SCN1A: variants seen among roughly 807,000 people sequenced by gnomAD.
SCN1A encodes sodium voltage-gated channel alpha subunit 1.
In SCN1A, 13 loss-of-function variants were observed where a neutral mutation model predicts 193.7. That is an observed-to-expected ratio of 0.07 (90% CI 0.04 to 0.11). The LOEUF is 0.11. Ranked by LOEUF, SCN1A falls within the 10% of genes least tolerant of loss-of-function variation. The pLI is 1.00. For synonymous variants in SCN1A, 781 were observed against 843.6 expected (o/e 0.93, Z 1.29); for missense variants, 1,432 against 2,451.1 (o/e 0.58, Z 8.78).
chr2:166,000,097 A>G, intron 24 of SCN1A: 1 of 344,242 alleles, frequency 2.9e-6, no homozygotes, highest in East Asian at 6.0e-5. Flanking sequence ...AGAAAGTCTT[A>G]CAAATGCCAA....
rs79907501 is a variant in SCN1A at position 165,987,175 on chromosome 2, C to A, written c.*4070G>T. 6.6e-6 allele frequency: 1 copy of A among 151,770 alleles called. No individual in the cohort carries two copies. The highest frequency in any genetic ancestry group is 1.5e-5 in the Non-Finnish European group (1 of 67,922). The allele number at this position is 151,770 out of a possible 1,614,324, so 9.4% of individuals were successfully genotyped here. A position where few individuals can be genotyped will look rare whatever the true frequency, so the allele number is the denominator to read the frequency against. On this transcript the variant is annotated 3_prime_UTR_variant, in exon 29 of 29. Transcript: ENST00000674923. The stretch of plus-strand genomic sequence containing the variant: ...ATAGAGTGTCCTCAATTTGATTTTC[C>A]TTGTAGTTAGATTCTGGTTTTAAAA...
intron 1 of SCN1A, among the ~76,000 whole-genome samples, chr2:166,145,175 T>C (rs5027759): frequency 1.2e-4 from 15 of 129,566 alleles, no homozygotes; most frequent in South Asian, 2.5e-4. Context: ...TTTTTTTTTG[T>C]GGGGGACAGA....
chr2:166,004,879 C>T (rs964022522), intron 23 of SCN1A, among the ~76,000 whole-genome samples: 2 of 151,434 alleles, frequency 1.3e-5, no homozygotes, highest in African/African-American at 4.8e-5. Context: ...CCAGTTTAGC[C>T]TCCAAAATAA....
At chr2:166,010,095 A>G (rs1692227049) in intron 22 of SCN1A, among the ~76,000 whole-genome samples, 1 of 150,264 alleles carries the variant, frequency 6.7e-6, no homozygotes, top group Non-Finnish European at 1.5e-5. Flanking sequence ...GAATAAATAG[A>G]AAAAAAAAGC....
chr2:166,094,681 A>G (rs888703353), intron 2 of SCN1A, among the ~76,000 whole-genome samples: 3 of 152,252 alleles, frequency 2.0e-5, no homozygotes, highest in Non-Finnish European at 4.4e-5. Flanking sequence ...GTTGCTACGC[A>G]TGGAGTAGAA....
rs1232188377 is a variant in SCN1A at position 165,996,133 on chromosome 2, AT to A, written c.4477-17del. ...GACCTCCAAAGTATAGAAAAGAAAAATCAAACTGGTTAAAACTGTGTCCTTT... is the reference window on the plus strand; with the variant it reads ...GACCTCCAAAGTATAGAAAAGAAAAACAAACTGGTTAAAACTGTGTCCTTT... On this transcript the variant is annotated splice_polypyrimidine_tract_variant and intron_variant, in intron 26 of 28. Coordinates refer to ENST00000674923, the MANE Select transcript of SCN1A (RefSeq NM_001165963.4). The A allele has an allele frequency of 6.7e-7, 1 of 1,485,978 alleles. No homozygotes were observed. Among genetic ancestry groups the A allele is most frequent in the Non-Finnish European group, 9.4e-7 (1 of 1,065,994 alleles). The allele number at this position is 1,485,978 out of a possible 1,614,324, so 92.0% of individuals were successfully genotyped here. A position where few individuals can be genotyped will look rare whatever the true frequency, so the allele number is the denominator to read the frequency against.
At position 166,052,943 on chromosome 2, in the gene SCN1A, C is replaced by T; in HGVS notation, c.603G>A (p.Ala201=). ...NWLDFTVITF[A]YVTEFVDLGN... is the part of the protein sequence containing the mutation. ...CCAGGTCCACAAACTCTGTGACGTA[C>T]CTGTAATAGGGAGTTCACACACAAA... The change falls in exon 8 of 29, where the codon GCG becomes GCA. Residue 201 remains alanine (A), a splice_region_variant and synonymous_variant. Coordinates refer to ENST00000674923, the MANE Select transcript of SCN1A (RefSeq NM_001165963.4). 6.2e-7 allele frequency: 1 copy of T among 1,611,338 alleles called. No homozygotes were observed. Among genetic ancestry groups the T allele is most frequent in the Non-Finnish European group, 8.5e-7 (1 of 1,178,182 alleles).
Position 166,085,147 on chromosome 2 carries a change from T to C in SCN1A, c.-141-7346A>G, listed in dbSNP as rs537749660. ...TCTCTTGGCCATGATGCCATCCCTA[T>C]TGGACTCAATGGTGTTCCAGCACAA... On this transcript the variant is annotated intron_variant, in intron 2 of 28. Transcript: ENST00000674923. Among the ~76,000 whole-genome samples, 6 of 152,316 alleles carry C rather than the reference T, an allele frequency of 3.9e-5. 1 individual carries two copies. Among genetic ancestry groups the C allele is most frequent in the East Asian group, 3.9e-4 (2 of 5,180 alleles).
At chr2:166,051,583 G>A in intron 9 of SCN1A, 136 bp downstream of exon 9, 3 of 629,982 alleles carry the variant, frequency 4.8e-6, no homozygotes, top group South Asian at 2.2e-5. Flanking sequence ...TACATGAGAT[G>A]TTTTGATACA....
chr2:166,090,029 C>CTTTTTTTTTTT (rs545740675), intron 2 of SCN1A, among the ~76,000 whole-genome samples: 2 of 71,382 alleles, frequency 2.8e-5, no homozygotes, highest in Admixed American at 2.1e-4. Flanking sequence ...TCCTTCTTTC[C>CTTTTTTTTTTT]TTTTTTTTTT....
Position 165,998,306 on chromosome 2 carries a change from A to G in SCN1A, c.4339-131T>C, listed in dbSNP as rs1690369652. ...CAGCATTTTTTTTTTTTCTGAATCA[A>G]CTACCTCTAAAAAACATCCCTGAAA... On this transcript the variant is annotated intron_variant, in intron 25 of 28. Transcript: ENST00000674923. The G allele has an allele frequency of 4.9e-5, 34 of 688,730 alleles. 1 individual carries two copies. The South Asian group carries it at 7.3e-4, about 15-fold the overall frequency. The allele number at this position is 688,730 out of a possible 1,614,324, so 42.7% of individuals were successfully genotyped here. A position where few individuals can be genotyped will look rare whatever the true frequency, so the allele number is the denominator to read the frequency against.
intron 19 of SCN1A, among the ~76,000 whole-genome samples, chr2:166,032,483 G>A (rs1337210764): frequency 6.6e-6 from 1 of 152,064 alleles, no homozygotes. Flanking sequence ...CATAATTTAT[G>A]CCTTACTTTG....
chr2:166,012,286 T>G lies in SCN1A; in HGVS notation c.3706-4A>C, dbSNP rs755132803. 1 of 1,602,380 alleles carries G rather than the reference T, an allele frequency of 6.2e-7. No homozygotes were observed. ...CAATATATATATCTTCAAATGCCTA[T>G]AAAGAAAATGTTACACATTATTAGC... is the stretch of plus-strand genomic sequence containing the variant. On this transcript the variant is annotated splice_polypyrimidine_tract_variant and splice_region_variant and intron_variant, in intron 21 of 28. Coordinates refer to ENST00000674923, the MANE Select transcript of SCN1A (RefSeq NM_001165963.4).
intron 2 of SCN1A, among the ~76,000 whole-genome samples, chr2:166,104,650 G>C (rs1030412305): frequency 2.0e-5 from 3 of 152,260 alleles, no homozygotes; most frequent in African/African-American, 7.2e-5. Flanking sequence ...GGCTGAGGTG[G>C]GGGGATTGCT....
intron 26 of SCN1A, among the ~76,000 whole-genome samples, chr2:165,997,787 A>G (rs1253136528): frequency 6.6e-6 from 1 of 151,210 alleles, no homozygotes; most frequent in Non-Finnish European, 1.5e-5. Flanking sequence ...AAGATAGAAA[A>G]TGTTTCTTGA....
chr2:166,098,567 C>T (rs1476223470), intron 2 of SCN1A, among the ~76,000 whole-genome samples: 5 of 152,158 alleles, frequency 3.3e-5, no homozygotes. Context: ...GTCAAACTAT[C>T]TCTCTTTGAA....
intron 4 of SCN1A, among the ~76,000 whole-genome samples, chr2:166,072,322 T>G (rs1684514453): frequency 6.6e-6 from 1 of 152,204 alleles, no homozygotes; most frequent in South Asian, 2.1e-4. Context: ...AAAAATTTTA[T>G]GCTTTTTGTT....
intron 1 of SCN1A, among the ~76,000 whole-genome samples, chr2:166,147,336 A>G (rs1574658635): frequency 6.6e-6 from 1 of 152,332 alleles, no homozygotes; most frequent in South Asian, 2.1e-4. Flanking sequence ...GAGGAATACA[A>G]AGATATATAT....
intron 2 of SCN1A, among the ~76,000 whole-genome samples, chr2:166,087,686 A>G (rs1241850111): frequency 1.3e-5 from 2 of 152,124 alleles, no homozygotes; most frequent in South Asian, 2.1e-4. Flanking sequence ...CCAGCCTCAG[A>G]TATTCTTTTA....
Sources: allele counts gnomAD v4.1 joint callset (sites outside exome capture counted in the v4.1 genomes callset), GRCh38; gene constraint gnomAD v4.1.1; transcripts MANE v1.5; gene names NCBI Gene and HGNC (gene_info 2026-07-23, HGNC 2026-07-21).